PARVB: variants seen among roughly 807,000 people sequenced by gnomAD.
PARVB encodes the protein parvin beta.
Under a neutral mutation model 47.0 loss-of-function variants are expected in PARVB, and 46 were observed. That is an observed-to-expected ratio of 0.98 (90% CI 0.77 to 1.25). PARVB has a LOEUF of 1.25. PARVB is among the 50% of genes most tolerant of loss of function. PARVB has a pLI of 0.00. For missense variants in PARVB, 473 were observed against 471.6 expected (o/e 1.00, Z -0.03); for synonymous variants, 196 against 196.3 (o/e 1.00, Z 0.01).
chr22:44,133,329 T>C (rs2053371118), intron 6 of PARVB, among the ~76,000 whole-genome samples: 1 of 152,152 alleles, frequency 6.6e-6, no homozygotes, highest in East Asian at 1.9e-4. Flanking sequence ...TTATTACTCA[T>C]TGGAGGAGGT....
At chr22:44,120,658 TA>T (rs532567177) in intron 4 of PARVB, among the ~76,000 whole-genome samples, 1 of 152,074 alleles carries the variant, frequency 6.6e-6, no homozygotes, top group African/African-American at 2.4e-5. Context: ...TCTTTCCTGT[TA>T]AAAAAACCAC....
At chr22:44,033,652 T>A (rs1213276290) in intron 1 of PARVB, among the ~76,000 whole-genome samples, 1 of 152,224 alleles carries the variant, frequency 6.6e-6, no homozygotes. Context: ...GTCGGTAATG[T>A]TGGTTTCCCC....
chr22:44,067,986 A>G (rs1284278836), intron 1 of PARVB, among the ~76,000 whole-genome samples: 1 of 152,096 alleles, frequency 6.6e-6, no homozygotes, highest in Non-Finnish European at 1.5e-5. Context: ...GAGGGGCACT[A>G]GTGCCCCTGG....
rs146851093 is a variant in PARVB, at chr22:44,052,503, C to A, written c.112+28052C>A. ...ATGTTCTTCATTGAGCAACTGCGAT[C>A]TCTTTCTGTAAAGATCCAGAGAATA... On this transcript the variant is annotated intron_variant, in intron 1 of 12. Transcript: ENST00000338758. Among the ~76,000 whole-genome samples the A allele has an allele frequency of 3.2e-3, 490 of 152,356 alleles. 4 individuals are homozygous for A. The highest frequency in any genetic ancestry group is 0.011 in the African/African-American group (463 of 41,592).
chr22:44,148,873 G>A (rs1418324833), intron 9 of PARVB: 2 of 152,198 alleles, frequency 1.3e-5, no homozygotes, highest in Non-Finnish European at 2.9e-5. Context: ...TTTTGCAAAA[G>A]GCTGTTGGAA....
rs1286316952 is a variant in PARVB at position 44,163,938 on chromosome 22, C to A, written c.1018+8C>A. ...CCAAGGCTCGTCCTGAAGGTAATGC[C>A]CCTGGCTCAGGTTCCCCCGGGAGAG... On this transcript the variant is annotated splice_region_variant and intron_variant, in intron 12 of 12. Coordinates refer to ENST00000338758, the MANE Select transcript of PARVB (RefSeq NM_013327.5). 11 of 1,605,268 alleles carry A rather than the reference C, an allele frequency of 6.9e-6. No homozygotes were observed. The South Asian group carries it at 1.2e-4, about 18-fold the overall frequency.
At chr22:44,157,107 G>A (rs1442670312) in intron 10 of PARVB, among the ~76,000 whole-genome samples, 4 of 152,216 alleles carry the variant, frequency 2.6e-5, no homozygotes, top group African/African-American at 9.6e-5. Flanking sequence ...GCTGCATGTG[G>A]CCATTGGCTA....
intron 3 of PARVB, chr22:44,104,846 C>G (rs1365088288): frequency 6.6e-6 from 1 of 152,284 alleles, no homozygotes; most frequent in Non-Finnish European, 1.5e-5. Flanking sequence ...TTCAGGATCT[C>G]CAACACTGCC....
rs181816111 is a variant in PARVB, at chr22:44,097,183, G to A, written c.203-2870G>A. 1.2e-4 allele frequency among the ~76,000 whole-genome samples: 19 copies of A among 152,292 alleles called. No individual in the cohort carries two copies. The East Asian group carries it at 1.5e-3, about 12-fold the overall frequency. ...TAGGAAAAACAAGGAGCCTCTCACAGCCCTTTTCTTCTCTCCCAGAGTCCC... is the reference window on the plus strand; with the variant it reads ...TAGGAAAAACAAGGAGCCTCTCACAACCCTTTTCTTCTCTCCCAGAGTCCC... On this transcript the variant is annotated intron_variant, in intron 2 of 12. Coordinates refer to ENST00000338758, the MANE Select transcript of PARVB (RefSeq NM_013327.5).
intron 10 of PARVB, chr22:44,151,771 C>T (rs1371312660): frequency 1.9e-6 from 1 of 525,408 alleles, no homozygotes; most frequent in Non-Finnish European, 3.5e-6. Context: ...GTGGCTGAAA[C>T]AACAGACCTT....
chr22:44,025,400 ATG>A (rs1377126272), intron 1 of PARVB, among the ~76,000 whole-genome samples: 1 of 151,772 alleles, frequency 6.6e-6, no homozygotes. Context: ...ATTCCTAGGG[ATG>A]TGTGTGCCCC....
intron 1 of PARVB, among the ~76,000 whole-genome samples, chr22:44,084,306 G>A (rs1173108547): frequency 6.6e-6 from 1 of 152,266 alleles, no homozygotes; most frequent in African/African-American, 2.4e-5. Flanking sequence ...GAACTACAAG[G>A]CCCGAGCATG....
At chr22:44,119,226 A>G in intron 4 of PARVB, 86 bp downstream of exon 4, 2 of 912,278 alleles carry the variant, frequency 2.2e-6, no homozygotes, top group Non-Finnish European at 3.6e-6. Flanking sequence ...GCATAGTGAC[A>G]TCGGCCACAG....
chr22:44,020,809 C>A (rs1055223701), upstream of PARVB, among the ~76,000 whole-genome samples: 1 of 151,246 alleles, frequency 6.6e-6, no homozygotes, highest in African/African-American at 2.4e-5. Flanking sequence ...GAGACTGAGT[C>A]TCACTCTGTC....
At chr22:44,077,760 G>GTC (rs2051809814) in intron 1 of PARVB, among the ~76,000 whole-genome samples, 1 of 152,028 alleles carries the variant, frequency 6.6e-6, no homozygotes, top group Non-Finnish European at 1.5e-5. Flanking sequence ...CTGAGACAGT[G>GTC]TCTCATTCTG....
intron 1 of PARVB, among the ~76,000 whole-genome samples, chr22:44,037,310 C>A (rs2050939472): frequency 6.6e-6 from 1 of 151,860 alleles, no homozygotes; most frequent in Non-Finnish European, 1.5e-5. Context: ...GTAGTCCCAG[C>A]TACTCGGGAG....
rs1284872853 is a variant in PARVB at position 44,125,084 on chromosome 22, G to C, written c.376+5944G>C. ...GGTGAGGGTGGGGGGATGAGGTGCT[G>C]GGGAGGCCATGTCCCATAACTCACT... On this transcript the variant is annotated intron_variant, in intron 4 of 12. Coordinates refer to ENST00000338758, the MANE Select transcript of PARVB (RefSeq NM_013327.5). The surrounding 1 kb of genome is among the most constrained non-coding windows in gnomAD (Gnocchi z 4.1). Among the ~76,000 whole-genome samples, 1 of 152,090 alleles carries C rather than the reference G, an allele frequency of 6.6e-6. No individual in the cohort carries two copies. Among genetic ancestry groups the C allele is most frequent in the Non-Finnish European group, 1.5e-5 (1 of 67,994 alleles).
chr22:44,097,037 C>T (rs1009019768), intron 2 of PARVB, among the ~76,000 whole-genome samples: 1 of 152,040 alleles, frequency 6.6e-6, no homozygotes, highest in Non-Finnish European at 1.5e-5. Flanking sequence ...ACTGTGGGCT[C>T]CTCGAGGGGT....
At chr22:44,094,366 C>G (rs1287317697) in intron 2 of PARVB, among the ~76,000 whole-genome samples, 4 of 151,970 alleles carry the variant, frequency 2.6e-5, no homozygotes, top group Non-Finnish European at 4.4e-5. Flanking sequence ...CACGCCATGC[C>G]ACGCCACGCC....
Sources: gnomAD v4.1 joint callset for allele counts (sites outside exome capture counted in the v4.1 genomes callset) on GRCh38, gnomAD v4.1.1 for gene constraint, Gnocchi (gnomAD v3.1) non-coding constraint, MANE v1.5 for transcripts, NCBI Gene and HGNC (gene_info 2026-07-23, HGNC 2026-07-21) for gene names.